PSMD1: variants seen among roughly 807,000 people sequenced by gnomAD.
The protein encoded by PSMD1 is proteasome 26S subunit, non-ATPase 1.
A neutral mutation model predicts 119.0 loss-of-function variants in PSMD1; 18 were observed. That is an observed-to-expected ratio of 0.15 (90% CI 0.10 to 0.22). The LOEUF is 0.22. Among genes scored for constraint, PSMD1 ranks in the 10% least tolerant of loss-of-function variants. The pLI is 1.00. For missense variants in PSMD1, 702 were observed against 1,158.5 expected (o/e 0.61, Z 5.72); for synonymous variants, 374 against 396.6 (o/e 0.94, Z 0.68).
At chr2:231,135,770 A>AC (rs2125245215) in intron 16 of PSMD1, among the ~76,000 whole-genome samples, 1 of 152,212 alleles carries the variant, frequency 6.6e-6, no homozygotes, top group South Asian at 2.1e-4. Flanking sequence ...TTTTCACACC[A>AC]CCATACTGTT....
At position 231,147,133 on chromosome 2, in the gene PSMD1, A is replaced by G. The variant is rs200278891; in HGVS notation, c.2115+777A>G. Among the ~76,000 whole-genome samples the G allele has an allele frequency of 5.3e-5, 8 of 152,268 alleles. No individual in the cohort carries two copies. In the East Asian group the frequency reaches 1.5e-3, roughly 29 times the overall value. ...CTTGCCCCAAAGAGATCCTCTTCAC[A>G]TATCCTCCACAATCCACACCCACCT... On this transcript the variant is annotated intron_variant, in intron 18 of 24. Coordinates refer to ENST00000308696, the MANE Select transcript of PSMD1 (RefSeq NM_002807.4).
chr2:231,063,571 G>A (rs1209829739), intron 4 of PSMD1, among the ~76,000 whole-genome samples: 1 of 152,164 alleles, frequency 6.6e-6, no homozygotes, highest in African/African-American at 2.4e-5. Context: ...TGCACAAGGG[G>A]GTTGATAGAG....
chr2:231,146,876 A>G (rs114221030), intron 18 of PSMD1, among the ~76,000 whole-genome samples: 117 of 152,318 alleles, frequency 7.7e-4, no homozygotes, highest in African/African-American at 2.8e-3. Context: ...TGGAGTTCCA[A>G]ATGGCTCCAA....
At chr2:231,065,186 T>C (rs1182503373) in intron 4 of PSMD1, among the ~76,000 whole-genome samples, 1 of 151,582 alleles carries the variant, frequency 6.6e-6, no homozygotes, top group Non-Finnish European at 1.5e-5. Flanking sequence ...TACTTATCTT[T>C]GAAAGGGAAA....
intron 2 of PSMD1, among the ~76,000 whole-genome samples, chr2:231,061,817 G>A (rs927615483): frequency 3.3e-5 from 5 of 152,082 alleles, no homozygotes; most frequent in African/African-American, 4.8e-5. Flanking sequence ...TGATCCCCCC[G>A]CCTTGACCTC....
At chr2:231,057,557 TCC>T (rs1693633961) in intron 1 of PSMD1, among the ~76,000 whole-genome samples, 1 of 152,172 alleles carries the variant, frequency 6.6e-6, no homozygotes, top group East Asian at 1.9e-4. Context: ...CATTTCTGGG[TCC>T]GATCCAAGGG....
At chr2:231,156,587 A>G (rs1275718059) in intron 19 of PSMD1, among the ~76,000 whole-genome samples, 1 of 152,120 alleles carries the variant, frequency 6.6e-6, no homozygotes, top group East Asian at 1.9e-4. Flanking sequence ...TTTTGAATTT[A>G]TTGAAAGTTT....
intron 16 of PSMD1, among the ~76,000 whole-genome samples, chr2:231,112,748 C>CT (rs1278580730): frequency 2.0e-5 from 3 of 152,162 alleles, no homozygotes; most frequent in Non-Finnish European, 4.4e-5. Context: ...AGAAGTATAG[C>CT]TTTGAGTATT....
intron 4 of PSMD1, among the ~76,000 whole-genome samples, chr2:231,064,751 C>T (rs1014067184): frequency 1.8e-4 from 27 of 152,156 alleles, no homozygotes; most frequent in Non-Finnish European, 1.2e-4. Flanking sequence ...CTGCAACCTC[C>T]ACCTCCCTGG....
At chr2:231,064,515 T>C (rs1693848397) in intron 4 of PSMD1, among the ~76,000 whole-genome samples, 2 of 152,258 alleles carry the variant, frequency 1.3e-5, no homozygotes, top group South Asian at 4.1e-4. Flanking sequence ...CCAAATGTTC[T>C]AATTTTGAGG....
chr2:231,064,824 CCTGG>C (rs1693859453), intron 4 of PSMD1, among the ~76,000 whole-genome samples: 1 of 152,010 alleles, frequency 6.6e-6, no homozygotes, highest in Non-Finnish European at 1.5e-5. Flanking sequence ...CACTACCACA[CCTGG>C]CTAATTTTTG....
At chr2:231,065,362 G>A (rs759549502) in intron 4 of PSMD1, among the ~76,000 whole-genome samples, 39 of 151,138 alleles carry the variant, frequency 2.6e-4, no homozygotes, top group Non-Finnish European at 5.0e-4. Context: ...GCGCGATCTC[G>A]GCTCACTGGA....
At chr2:231,123,518 T>TTA (rs1283752870) in intron 16 of PSMD1, 1 of 1,613,826 alleles carries the variant, frequency 6.2e-7, no homozygotes, top group Non-Finnish European at 8.5e-7. Flanking sequence ...TGCAGCTTCT[T>TTA]CTCCAGTGAA....
chr2:231,102,888 G>A (rs1384856685), intron 16 of PSMD1, among the ~76,000 whole-genome samples: 1 of 142,112 alleles, frequency 7.0e-6, no homozygotes, highest in Non-Finnish European at 1.6e-5. Context: ...ATTTGTTATA[G>A]CTTATTTATT....
At chr2:231,119,744 G>A (rs919501155) in intron 16 of PSMD1, among the ~76,000 whole-genome samples, 7 of 151,728 alleles carry the variant, frequency 4.6e-5, no homozygotes, top group East Asian at 2.0e-4. Context: ...GGTGGCCTGC[G>A]CCTGTAGTCC....
chr2:231,109,209 T>G (rs1294403875), intron 16 of PSMD1: 1 of 1,614,200 alleles, frequency 6.2e-7, no homozygotes, highest in Non-Finnish European at 8.5e-7. Flanking sequence ...GGCTTGTTTT[T>G]GACTAAGTAA....
intron 11 of PSMD1, 102 bp downstream of exon 11, chr2:231,079,716 T>C: frequency 1.4e-6 from 1 of 692,164 alleles, no homozygotes; most frequent in Non-Finnish European, 2.3e-6. Context: ...CAAGTACACT[T>C]TGTTAAGTCA....
chr2:231,116,298 G>GT (rs1695329165), intron 16 of PSMD1, among the ~76,000 whole-genome samples: 1 of 152,142 alleles, frequency 6.6e-6, no homozygotes. Flanking sequence ...ATTTAGGACT[G>GT]TAAGTAGGGT....
intron 16 of PSMD1, among the ~76,000 whole-genome samples, chr2:231,090,145 A>G (rs1164800252): frequency 6.6e-6 from 1 of 152,248 alleles, no homozygotes. Context: ...AAGGAGATTA[A>G]TGTTATTTTT....
Sources: gnomAD v4.1 joint callset for allele counts (sites outside exome capture counted in the v4.1 genomes callset) on GRCh38, gnomAD v4.1.1 for gene constraint, MANE v1.5 for transcripts, NCBI Gene and HGNC (gene_info 2026-07-23, HGNC 2026-07-21) for gene names.